LRP12: variants seen among roughly 807,000 people sequenced by gnomAD.
LRP12 encodes the protein low-density lipoprotein receptor-related protein 12.
A neutral mutation model predicts 66.0 loss-of-function variants in LRP12; 14 were observed. That is an observed-to-expected ratio of 0.21 (90% CI 0.14 to 0.33). LRP12 has a LOEUF of 0.33. LRP12 is among the 10% of genes least tolerant of loss of function. The pLI, the probability that LRP12 is intolerant of heterozygous loss-of-function variation, is 1.00. For missense variants in LRP12, 889 were observed against 1,053.4 expected (o/e 0.84, Z 2.16); for synonymous variants, 357 against 359.1 (o/e 0.99, Z 0.07).
At chr8:104,493,129 G>A (rs112128844) in intron 6 of LRP12, among the ~76,000 whole-genome samples, 4 of 152,166 alleles carry the variant, frequency 2.6e-5, no homozygotes, top group African/African-American at 9.7e-5. Flanking sequence ...ATTAGGATTG[G>A]CAATCTAACA....
Position 104,588,970 on chromosome 8 carries a change from ACGCCGCCGCCGC to A in LRP12, c.-85_-74del, listed in dbSNP as rs879237391. The A allele has an allele frequency of 1.2e-3, 751 of 601,194 alleles. 16 individuals are homozygous for A. Among genetic ancestry groups the A allele is most frequent in the Middle Eastern group, 4.4e-3 (10 of 2,274 alleles). The allele number at this position is 601,194 out of a possible 1,614,324, so 37.2% of individuals were successfully genotyped here. ...GAGAAGCTGGAGGTAGACGACGCCGACGCCGCCGCCGCCGCCGCCGCCGCCGCCGAGCCACCG... is the reference window on the plus strand; with the variant it reads ...GAGAAGCTGGAGGTAGACGACGCCGACGCCGCCGCCGCCGCCGAGCCACCG... On this transcript the variant is annotated 5_prime_UTR_variant, in exon 1 of 7. Coordinates refer to ENST00000276654, the MANE Select transcript of LRP12 (RefSeq NM_013437.5).
intron 1 of LRP12, among the ~76,000 whole-genome samples, chr8:104,576,569 C>T (rs1055746059): frequency 6.6e-6 from 1 of 152,126 alleles, no homozygotes. Context: ...TGAAGGAATT[C>T]GTTACCACCA....
chr8:104,498,105 AAAGAG>A (rs1810767376), intron 4 of LRP12, 29 bp from the exon 5 acceptor site: 2 of 1,523,766 alleles, frequency 1.3e-6, no homozygotes, highest in Non-Finnish European at 1.8e-6. Flanking sequence ...AAATAGATGG[AAAGAG>A]AAGGAGAAAA....
intron 1 of LRP12, among the ~76,000 whole-genome samples, chr8:104,547,624 T>A (rs1261714983): frequency 7.9e-6 from 1 of 126,026 alleles, no homozygotes; most frequent in African/African-American, 3.1e-5. Flanking sequence ...AATATATTAA[T>A]ATATAATAAA....
At position 104,490,831 on chromosome 8, in the gene LRP12, G is replaced by A; in HGVS notation, c.2422C>T (p.Gln808Ter). The A allele has an allele frequency of 6.2e-7, 1 of 1,614,108 alleles. No homozygotes were observed. The highest frequency in any genetic ancestry group is 8.5e-7 in the Non-Finnish European group (1 of 1,180,010). Residue 808 changes from glutamine (Q) to a stop codon, truncating the protein, a stop_gained, in exon 7 of 7, where the codon CAA becomes TAA. Transcript: ENST00000276654. LOFTEE classifies it high-confidence loss of function. ...LASDQGQGLRQPYNATNPGVR... is the reference protein window; with the variant it reads ...LASDQGQGLR ...CCAGGATTTGTTGCATTATATGGTT[G>A]TCTAAGCCCTTGTCCTTGATCTGAG...
At position 104,533,924 on chromosome 8, in the gene LRP12, T is replaced by C. The variant is rs141924190; in HGVS notation, c.80-1961A>G. ...ATTGAAGATTGTGGATTCTGAGCTATATTGCCAGGATTCTAAAACCAGCTC... is the reference window on the plus strand; with the variant it reads ...ATTGAAGATTGTGGATTCTGAGCTACATTGCCAGGATTCTAAAACCAGCTC... On this transcript the variant is annotated intron_variant, in intron 1 of 6. Transcript: ENST00000276654. Among the ~76,000 whole-genome samples, 252 of 152,178 alleles carry C rather than the reference T, an allele frequency of 1.7e-3. 1 individual carries two copies. The highest frequency in any genetic ancestry group is 2.9e-3 in the Non-Finnish European group (200 of 67,962).
chr8:104,584,046 T>C (rs528800615), intron 1 of LRP12, among the ~76,000 whole-genome samples: 2 of 152,148 alleles, frequency 1.3e-5, no homozygotes, highest in East Asian at 3.9e-4. Flanking sequence ...AATAGATACA[T>C]TGGTAATTTG....
chr8:104,575,301 G>T (rs1003892968), intron 1 of LRP12, among the ~76,000 whole-genome samples: 1 of 152,242 alleles, frequency 6.6e-6, no homozygotes, highest in Non-Finnish European at 1.5e-5. Flanking sequence ...GCAGGTCCCT[G>T]ACACCCTGAC....
intron 2 of LRP12, among the ~76,000 whole-genome samples, chr8:104,528,596 G>A (rs906705095): frequency 5.5e-4 from 83 of 152,230 alleles, no homozygotes; most frequent in Admixed American, 2.6e-4. Context: ...CCAACATAGT[G>A]AAACCACGTC....
intron 2 of LRP12, among the ~76,000 whole-genome samples, chr8:104,514,079 A>G (rs555814544): frequency 4.8e-4 from 73 of 152,338 alleles, no homozygotes; most frequent in African/African-American, 1.7e-3. Context: ...TTTCAAGGAC[A>G]GGAAATAAGT....
chr8:104,565,067 T>C (rs1811977471), intron 1 of LRP12, among the ~76,000 whole-genome samples: 1 of 152,132 alleles, frequency 6.6e-6, no homozygotes, highest in Non-Finnish European at 1.5e-5. Context: ...GCTAGGTACT[T>C]CTATTAAGTG....
chr8:104,525,810 T>C (rs990026383), intron 2 of LRP12, among the ~76,000 whole-genome samples: 6 of 151,930 alleles, frequency 3.9e-5, no homozygotes, highest in African/African-American at 9.7e-5. Context: ...CTATTCAACA[T>C]AGTGTTGGAA....
chr8:104,511,517 C>CT (rs145108793), intron 2 of LRP12, among the ~76,000 whole-genome samples: 4 of 151,690 alleles, frequency 2.6e-5, no homozygotes, highest in South Asian at 2.1e-4. Flanking sequence ...TGCATGGCAA[C>CT]TTTTTTTTGT....
At chr8:104,578,565 C>T (rs551221245) in intron 1 of LRP12, among the ~76,000 whole-genome samples, 77 of 152,242 alleles carry the variant, frequency 5.1e-4, no homozygotes, top group African/African-American at 1.8e-3. Context: ...GATACCAAAA[C>T]CTGATGGCGG....
chr8:104,491,602 A>AC (rs1222995272), intron 6 of LRP12, 63 bp from the exon 7 acceptor site: 39 of 1,310,092 alleles, frequency 3.0e-5, no homozygotes, highest in Non-Finnish European at 4.0e-5. Flanking sequence ...AAAAAAAAAA[A>AC]AAACACCCTT....
At chr8:104,496,856 T>C in intron 5 of LRP12, 116 bp downstream of exon 5, 1 of 1,002,670 alleles carries the variant, frequency 1.0e-6, no homozygotes, top group South Asian at 3.1e-5. Flanking sequence ...TCAACAATCT[T>C]TATCCATTTT....
At chr8:104,554,683 G>C (rs938727038) in intron 1 of LRP12, among the ~76,000 whole-genome samples, 1 of 152,104 alleles carries the variant, frequency 6.6e-6, no homozygotes, top group Middle Eastern at 3.2e-3. Flanking sequence ...ATAGAAATCT[G>C]AAAGTTTGGA....
At chr8:104,520,895 G>C (rs988761574) in intron 2 of LRP12, among the ~76,000 whole-genome samples, 1 of 151,974 alleles carries the variant, frequency 6.6e-6, no homozygotes, top group Non-Finnish European at 1.5e-5. Flanking sequence ...TCAAATGCTT[G>C]AACAGAGCTT....
chr8:104,494,459 G>A (rs1810690980), intron 6 of LRP12, among the ~76,000 whole-genome samples: 1 of 152,066 alleles, frequency 6.6e-6, no homozygotes, highest in African/African-American at 2.4e-5. Context: ...GGAAACAACA[G>A]TTTTTATAAA....
Sources: gnomAD v4.1 joint callset for allele counts (sites outside exome capture counted in the v4.1 genomes callset) on GRCh38, gnomAD v4.1.1 for gene constraint, MANE v1.5 for transcripts, NCBI Gene and HGNC (gene_info 2026-07-23, HGNC 2026-07-21) for gene names.